The following MEGF6 variants were observed in gnomAD, a reference collection of about 807,000 sequenced individuals.
MEGF6 encodes multiple epidermal growth factor-like domains protein 6.
MEGF6 carries 184 observed loss-of-function variants against 207.1 expected under a neutral mutation model. The ratio of observed to expected loss-of-function variants is 0.89; its 90% CI spans 0.79 to 1.00. The LOEUF is 1.00. Ranked by LOEUF, MEGF6 falls within the 50% of genes least tolerant of loss-of-function variation. The probability of loss-of-function intolerance (pLI) is 0.00; values close to 1 mark genes in which losing one functional copy is unlikely to be tolerated. For missense variants in MEGF6, 2,282 were observed against 2,202.9 expected (o/e 1.04, Z -0.72); for synonymous variants, 1,038 against 910.0 (o/e 1.14, Z -2.53).
At chr1:3,515,298 G>T in intron 6 of MEGF6, 104 bp downstream of exon 6, 2 of 1,383,566 alleles carry the variant, frequency 1.4e-6, no homozygotes, top group Non-Finnish European at 2.0e-6. Flanking sequence ...CCTCTCAGCA[G>T]CCTTGGGGGC....
Position 3,510,861 on chromosome 1 carries a change from A to G in MEGF6, c.1156T>C (p.Cys386Arg). The part of the protein sequence containing the change: ...CADSPCCQQV[C>R]TNNPGGYECG... ...TCGTACCCGCCAGGGTTGTTGGTGC[A>G]CACCTGCTGGCAGCACGGGCTGTCT... The change falls in exon 10 of 37, where the codon TGC becomes CGC. Residue 386 changes from cysteine (C) to arginine (R), a missense_variant. Physicochemically the swap from Cys to Arg is radical, Grantham distance 180. Coordinates refer to ENST00000356575, the MANE Select transcript of MEGF6 (RefSeq NM_001409.4). 6.2e-7 allele frequency: 1 copy of G among 1,610,344 alleles called. No individual in the cohort carries two copies. The highest frequency in any genetic ancestry group is 8.5e-7 in the Non-Finnish European group (1 of 1,177,908).
At chr1:3,568,349 G>T (rs577226261) in intron 4 of MEGF6, among the ~76,000 whole-genome samples, 1 of 148,760 alleles carries the variant, frequency 6.7e-6, no homozygotes, top group African/African-American at 2.6e-5. Context: ...GCAGGGGAAT[G>T]GGGGCTTCGG....
chr1:3,591,601 T>A (rs1643978831), intron 3 of MEGF6, among the ~76,000 whole-genome samples: 1 of 151,904 alleles, frequency 6.6e-6, no homozygotes, highest in Non-Finnish European at 1.5e-5. Flanking sequence ...TGAGGCCTGA[T>A]GGGGGCGCGG....
chr1:3,543,215 C>T (rs1385021977), intron 4 of MEGF6, among the ~76,000 whole-genome samples: 2 of 152,180 alleles, frequency 1.3e-5, no homozygotes, highest in African/African-American at 2.4e-5. Flanking sequence ...AGCACTCACT[C>T]AGAGCTTGAT....
chr1:3,531,246 G>T, intron 4 of MEGF6: 2 of 1,391,712 alleles, frequency 1.4e-6, no homozygotes, highest in Non-Finnish European at 1.9e-6. Flanking sequence ...ACGCCCCCAT[G>T]GCCTGGTAGG....
chr1:3,587,361 G>A (rs528183875), intron 3 of MEGF6, among the ~76,000 whole-genome samples: 1 of 152,360 alleles, frequency 6.6e-6, no homozygotes, highest in East Asian at 1.9e-4. Context: ...GCCAGACCAG[G>A]AGATGCTTTT....
intron 3 of MEGF6, among the ~76,000 whole-genome samples, chr1:3,585,618 ACATGTCCTGTGTGTGGGTGTGTGGACG>A (rs1643882572): frequency 1.5e-5 from 2 of 132,538 alleles, no homozygotes; most frequent in Non-Finnish European, 3.1e-5. Flanking sequence ...TGTGAGTGAC[ACATGTCCTGTGTGTGGGTGTGTGGACG>A]CATGTCCTGT....
At chr1:3,492,858 C>T (rs1640430234) in intron 34 of MEGF6, 91 bp from the exon 35 acceptor site, 2 of 1,516,576 alleles carry the variant, frequency 1.3e-6, no homozygotes, top group South Asian at 1.2e-5. Flanking sequence ...CGCGGCAGAG[C>T]CCAGGTGGAG....
intron 3 of MEGF6, among the ~76,000 whole-genome samples, chr1:3,586,528 G>A (rs1251216692): frequency 1.3e-5 from 2 of 152,128 alleles, no homozygotes; most frequent in Admixed American, 6.5e-5. Context: ...GTGGGGTGTA[G>A]GGGTGGGGGT....
In MEGF6 at chr1:3,554,150, C is replaced by G. The variant is rs141579769; in HGVS notation, c.481+25675G>C. On this transcript the variant is annotated intron_variant, in intron 4 of 36. Coordinates refer to ENST00000356575, the MANE Select transcript of MEGF6 (RefSeq NM_001409.4). ...AGAGCACATGCGCCCCATCCCGCCC[C>G]CGGCAGCCACCGTGACCCCCTTGCC... Among the ~76,000 whole-genome samples, 3 of 152,264 alleles carry G rather than the reference C, an allele frequency of 2.0e-5. No individual in the cohort carries two copies. In the East Asian group the frequency reaches 5.8e-4, roughly 29 times the overall value.
At position 3,556,267 on chromosome 1, in the gene MEGF6, T is replaced by A. The variant is rs1036041427; in HGVS notation, c.481+23558A>T. On this transcript the variant is annotated intron_variant, in intron 4 of 36. Transcript: ENST00000356575. This position sits in a 1 kb window ranked among gnomAD's most constrained non-coding sequence, Gnocchi z 4.4. ...TCCCCATACATAACCTAGAGCTCTG[T>A]GTGAGGCCCGCAGGCCAGGTCAGAA... 5.9e-5 allele frequency among the ~76,000 whole-genome samples: 9 copies of A among 152,224 alleles called. No homozygotes were observed. The highest frequency in any genetic ancestry group is 1.9e-4 in the African/African-American group (8 of 41,454).
chr1:3,582,213 G>C (rs1643814114), intron 3 of MEGF6, among the ~76,000 whole-genome samples: 1 of 152,230 alleles, frequency 6.6e-6, no homozygotes, highest in Non-Finnish European at 1.5e-5. Flanking sequence ...AGGACACGGA[G>C]ACCAATGATT....
intron 2 of MEGF6, 95 bp from the exon 3 acceptor site, chr1:3,595,542 C>A (rs749175980): frequency 1.7e-5 from 19 of 1,098,316 alleles, no homozygotes; most frequent in Non-Finnish European, 2.4e-5. Flanking sequence ...CTGCGTCAGC[C>A]GGGTTCCCGG....
intron 10 of MEGF6, among the ~76,000 whole-genome samples, chr1:3,510,544 T>G (rs1213515222): frequency 7.5e-6 from 1 of 133,824 alleles, no homozygotes. Context: ...CCCACAGCCC[T>G]GAACTCAGCA....
rs1400246762 is a variant in MEGF6 at position 3,493,993 on chromosome 1, C to T, written c.4258+3G>A. On this transcript the variant is annotated splice_donor_region_variant and intron_variant, in intron 33 of 36. Coordinates refer to ENST00000356575, the MANE Select transcript of MEGF6 (RefSeq NM_001409.4). ...GGGGTTCAGGGAGGCACCAAGCACT[C>T]ACCCCTCTCACAGAAGTGGCCGTGG... The T allele has an allele frequency of 1.9e-6, 3 of 1,597,460 alleles. No homozygotes were observed. The highest frequency in any genetic ancestry group is 4.5e-5 in the East Asian group (2 of 44,074).
rs888612230 is a variant in MEGF6 at position 3,499,847 on chromosome 1, T to C, written c.2785A>G (p.Ser929Gly). The part of the protein sequence containing the change: ...CQHGAACDHV[S>G]GACTCPAGWR... ...CCGGCCGGGCAGGTGCAGGCCCCGC[T>C]GACGTGGTCACAGGCTGCTCCATGC... Residue 929 changes from serine to glycine, a missense_variant, in exon 22 of 37, where the codon AGC becomes GGC. Coordinates refer to ENST00000356575, the MANE Select transcript of MEGF6 (RefSeq NM_001409.4). 1.4e-5 allele frequency: 21 copies of C among 1,554,496 alleles called. No homozygotes were observed. In the Admixed American group the frequency reaches 4.1e-4, roughly 30 times the overall value.
In MEGF6 at chr1:3,602,345, G is replaced by T. The variant is rs76496459; in HGVS notation, c.266+121C>A. On this transcript the variant is annotated intron_variant, in intron 2 of 36. Coordinates refer to ENST00000356575, the MANE Select transcript of MEGF6 (RefSeq NM_001409.4). ...ATGCTCAGATGAGGGCTTCAGGCAG[G>T]GGTTGCGTGTGGCCCTGAGACCAGG... 4.8e-3 allele frequency: 6,732 copies of T among 1,415,278 alleles called. 257 individuals carry two copies. The African/African-American group carries it at 0.081, about 17-fold the overall frequency. The allele number at this position is 1,415,278 out of a possible 1,614,324, so 87.7% of individuals were successfully genotyped here.
intron 4 of MEGF6, among the ~76,000 whole-genome samples, chr1:3,554,408 C>T (rs951194677): frequency 3.9e-5 from 6 of 151,976 alleles, no homozygotes; most frequent in South Asian, 4.2e-4. Context: ...CCAGGTGTCC[C>T]GGTGAGAGGG....
At chr1:3,605,642 ACT>A (rs1434213181) in intron 1 of MEGF6, among the ~76,000 whole-genome samples, 5 of 148,602 alleles carry the variant, frequency 3.4e-5, no homozygotes, top group Admixed American at 6.8e-5. Context: ...ACACTTCTGT[ACT>A]CTCACGCATG....
Sources: gnomAD v4.1 joint callset for allele counts (sites outside exome capture counted in the v4.1 genomes callset) on GRCh38, gnomAD v4.1.1 for gene constraint, Gnocchi (gnomAD v3.1) non-coding constraint, MANE v1.5 for transcripts, NCBI Gene and HGNC (gene_info 2026-07-23, HGNC 2026-07-21) for gene names.